URB1: variants seen among roughly 807,000 people sequenced by gnomAD.
URB1 encodes nucleolar pre-ribosomal-associated protein 1.
URB1 carries 197 observed loss-of-function variants against 242.3 expected under a neutral mutation model. That is an observed-to-expected ratio of 0.81 (90% CI 0.72 to 0.91). The LOEUF (loss-of-function observed/expected upper bound fraction) is 0.91. Among genes scored for constraint, URB1 ranks in the 40% least tolerant of loss-of-function variants. URB1 has a pLI of 0.00. For missense variants in URB1, 2,721 were observed against 2,860.5 expected (o/e 0.95, Z 1.11); for synonymous variants, 1,153 against 1,201.8 (o/e 0.96, Z 0.84).
At chr21:32,387,334 A>G (rs28529364) in intron 1 of URB1, among the ~76,000 whole-genome samples, 21,854 of 152,128 alleles carry the variant, frequency 0.14, 2,024 homozygotes, top group African/African-American at 0.26. Context: ...TCGGAGAATC[A>G]CTTGAATCCG....
chr21:32,322,251 C>T (rs1198162162), intron 33 of URB1, among the ~76,000 whole-genome samples: 7 of 152,190 alleles, frequency 4.6e-5, no homozygotes, highest in African/African-American at 1.4e-4. Context: ...ATGAGAATGT[C>T]GTAAAACTCA....
rs144490748 is a variant in URB1 at position 32,328,365 on chromosome 21, T to C, written c.4961-2976A>G. On this transcript the variant is annotated intron_variant, in intron 30 of 38. Coordinates refer to ENST00000382751, the MANE Select transcript of URB1 (RefSeq NM_014825.3). ...GTTGGCCAGGCTGGTTTCAAACTCC[T>C]GGCCTCAAGTGATCAGCTCGCCTTG... is the stretch of plus-strand genomic sequence containing the variant. Among the ~76,000 whole-genome samples, 14 of 152,336 alleles carry C rather than the reference T, an allele frequency of 9.2e-5. No individual in the cohort carries two copies. In the East Asian group the frequency reaches 2.7e-3, roughly 29 times the overall value.
In URB1 at chr21:32,361,991, C is replaced by G. The variant is rs1278874509; in HGVS notation, c.1540G>C (p.Val514Leu). The G allele has an allele frequency of 3.2e-6, 5 of 1,551,486 alleles. No individual in the cohort carries two copies. The highest frequency in any genetic ancestry group is 4.4e-6 in the Non-Finnish European group (5 of 1,146,936). The change falls in exon 12 of 39, where the codon GTC becomes CTC. Residue 514 changes from valine (V) to leucine (L), a missense_variant. Physicochemically the swap from Val to Leu is conservative, Grantham distance 32 (BLOSUM62 1). Transcript: ENST00000382751. Reference protein sequence around the residue: ...ILPDLNTVVWVWQSLKKQETK... With the variant: ...ILPDLNTVVWLWQSLKKQETK... ...TCTTGCTTTTTAAGTGACTGCCAGA[C>G]CCACACGACAGTGTTCAGGTCTGGC... is the stretch of plus-strand genomic sequence containing the variant.
chr21:32,363,418 A>T, intron 10 of URB1, 89 bp from the exon 11 acceptor site: 2 of 1,442,214 alleles, frequency 1.4e-6, no homozygotes, highest in South Asian at 2.7e-5. Flanking sequence ...GCCCCTCCTC[A>T]GGTCACTCAC....
At chr21:32,375,535 A>C in intron 5 of URB1, 52 bp from the exon 6 acceptor site, 1 of 1,113,014 alleles carries the variant, frequency 9.0e-7, no homozygotes, top group South Asian at 1.5e-5. Context: ...TGAAAATGAG[A>C]ATAGACGAGA....
intron 16 of URB1, 32 bp downstream of exon 16, chr21:32,355,417 C>T (rs1384673251): frequency 1.3e-6 from 2 of 1,530,736 alleles, no homozygotes; most frequent in Non-Finnish European, 8.9e-7. Flanking sequence ...TATCTCTGAG[C>T]ATGTTCCTTT....
chr21:32,321,787 C>T lies in URB1; in HGVS notation c.5484+14G>A, dbSNP rs1035228607. The T allele has an allele frequency of 3.0e-5, 47 of 1,551,028 alleles. No homozygotes were observed. Among genetic ancestry groups the T allele is most frequent in the Non-Finnish European group, 3.7e-5 (42 of 1,146,680 alleles). Reference sequence around the variant, plus strand: ...GACCTCTCGCTCTCAAATAAGCTTGCGGAACCCATGTACCTGTGCTGCCTC... The same window carrying T: ...GACCTCTCGCTCTCAAATAAGCTTGTGGAACCCATGTACCTGTGCTGCCTC... On this transcript the variant is annotated intron_variant, in intron 34 of 38. Transcript: ENST00000382751.
chr21:32,336,787 A>C (rs1365197318), intron 28 of URB1, among the ~76,000 whole-genome samples: 1 of 152,242 alleles, frequency 6.6e-6, no homozygotes, highest in Non-Finnish European at 1.5e-5. Context: ...ATGAGCAGAA[A>C]AGTTTTCAGA....
intron 6 of URB1, among the ~76,000 whole-genome samples, chr21:32,375,065 A>G (rs934634520): frequency 4.6e-5 from 7 of 152,226 alleles, no homozygotes; most frequent in Admixed American, 3.3e-4. Context: ...ATTTTGCTAG[A>G]TATGTGAATG....
chr21:32,347,032 G>T lies in URB1; in HGVS notation c.3792C>A (p.Asp1264Glu). ...GGATGAGGGGAAGGAAGTCGTCCAG[G>T]TCCCCCTGGAGGCCGAGCCCTGGGC... ...QAGPGLGLQGDLDDFLPLIHV... is the reference protein window; with the variant it reads ...QAGPGLGLQGELDDFLPLIHV... Residue 1264 changes from aspartate to glutamate, a missense_variant, in exon 22 of 39, where the codon GAC becomes GAA. Physicochemically the swap from Asp to Glu is conservative, Grantham distance 45. Transcript: ENST00000382751. 1 of 1,549,434 alleles carries T rather than the reference G, an allele frequency of 6.5e-7. No individual in the cohort carries two copies. The highest frequency in any genetic ancestry group is 8.7e-7 in the Non-Finnish European group (1 of 1,145,536).
At position 32,365,809 on chromosome 21, in the gene URB1, A is replaced by C. The variant is rs558010289; in HGVS notation, c.1335+809T>G. Among the ~76,000 whole-genome samples, 20 of 152,318 alleles carry C rather than the reference A, an allele frequency of 1.3e-4. 1 individual carries two copies. In the South Asian group the frequency reaches 4.1e-3, roughly 32 times the overall value. On this transcript the variant is annotated intron_variant, in intron 10 of 38. Transcript: ENST00000382751. ...TGACTGTGCGCATTACCACAGGGCC[A>C]ACTGAGGCCTGTGCAACCCCTCACA...
intron 30 of URB1, among the ~76,000 whole-genome samples, chr21:32,332,714 T>C (rs887500493): frequency 6.6e-6 from 1 of 152,054 alleles, no homozygotes; most frequent in Admixed American, 6.6e-5. Context: ...TTCAACATCA[T>C]TAGCCATTAG....
chr21:32,383,291 C>T, intron 4 of URB1, 131 bp downstream of exon 4: 2 of 1,213,880 alleles, frequency 1.6e-6, no homozygotes, highest in Non-Finnish European at 2.2e-6. Context: ...GCTGCTGACA[C>T]ACACCTTTCT....
At position 32,385,505 on chromosome 21, in the gene URB1, C is replaced by T. The variant is rs556684495; in HGVS notation, c.282+40G>A. On this transcript the variant is annotated intron_variant, in intron 2 of 38. Transcript: ENST00000382751. Reference sequence around the variant, plus strand: ...TCATCAAACTTAACAGCAGCATTAACTTTTCTTCTCTTCATCAAGCCATGT... The same window carrying T: ...TCATCAAACTTAACAGCAGCATTAATTTTTCTTCTCTTCATCAAGCCATGT... 8.5e-6 allele frequency: 13 copies of T among 1,535,262 alleles called. No individual in the cohort carries two copies. In the African/African-American group the frequency reaches 1.7e-4, roughly 20 times the overall value.
Position 32,314,612 on chromosome 21 carries a change from T to C in URB1, c.*306A>G. On this transcript the variant is annotated 3_prime_UTR_variant, in exon 39 of 39. Coordinates refer to ENST00000382751, the MANE Select transcript of URB1 (RefSeq NM_014825.3). ...GCTGCCTCAAACTCGAGCTATTTCCTGTGATGAGCTCCAAGCCCCTAGAGA... is the reference window on the plus strand; with the variant it reads ...GCTGCCTCAAACTCGAGCTATTTCCCGTGATGAGCTCCAAGCCCCTAGAGA... The C allele has an allele frequency of 6.2e-7, 1 of 1,614,258 alleles. No homozygotes were observed. Among genetic ancestry groups the C allele is most frequent in the Non-Finnish European group, 8.5e-7 (1 of 1,180,046 alleles).
intron 35 of URB1, among the ~76,000 whole-genome samples, chr21:32,320,111 G>A (rs1396220592): frequency 6.6e-6 from 1 of 152,250 alleles, no homozygotes; most frequent in African/African-American, 2.4e-5. Context: ...TGACAGCAGA[G>A]CCCTGTCACC....
At chr21:32,355,845 A>C (rs1229588934) in intron 15 of URB1, among the ~76,000 whole-genome samples, 1 of 152,188 alleles carries the variant, frequency 6.6e-6, no homozygotes, top group Non-Finnish European at 1.5e-5. Flanking sequence ...TCCTAGCTTC[A>C]AGTGATCTGC....
intron 1 of URB1, among the ~76,000 whole-genome samples, chr21:32,389,382 TCATGAGAGGAGTGA>T (rs1415935059): frequency 6.6e-6 from 1 of 152,038 alleles, no homozygotes; most frequent in African/African-American, 2.4e-5. Flanking sequence ...CTGAAGGGTG[TCATGAGAGGAGTGA>T]CATAATCAGA....
At chr21:32,376,708 A>C (rs2033462902) in intron 5 of URB1, among the ~76,000 whole-genome samples, 1 of 152,066 alleles carries the variant, frequency 6.6e-6, no homozygotes, top group Non-Finnish European at 1.5e-5. Flanking sequence ...CGCAATCTCC[A>C]CTTACTGCAG....
Sources: allele counts gnomAD v4.1 joint callset (sites outside exome capture counted in the v4.1 genomes callset), GRCh38; gene constraint gnomAD v4.1.1; transcripts MANE v1.5; gene names NCBI Gene and HGNC (gene_info 2026-07-23, HGNC 2026-07-21).